Variants in LRRC8C observed in about 807,000 individuals in gnomAD.
LRRC8C encodes the protein volume-regulated anion channel subunit LRRC8C.
LRRC8C carries 20 observed loss-of-function variants against 55.3 expected under a neutral mutation model. The observed-to-expected ratio is 0.36, with a 90% CI of 0.25 to 0.53. LRRC8C has a LOEUF of 0.53. Among genes scored for constraint, LRRC8C ranks in the 20% least tolerant of loss-of-function variants. The probability of loss-of-function intolerance (pLI) is 0.92; values close to 1 mark genes in which losing one functional copy is unlikely to be tolerated. For synonymous variants in LRRC8C, 376 were observed against 360.7 expected, an observed-to-expected ratio of 1.04 and a Z score of -0.48; for missense variants, 659 against 951.4, an observed-to-expected ratio of 0.69 and a Z score of 4.04.
the LRRC8C span, among the ~76,000 whole-genome samples, chr1:89,620,882 T>C: frequency 6.6e-6 from 1 of 152,116 alleles, no homozygotes; most frequent in Non-Finnish European, 1.5e-5. Context: ...TTCACAAAAG[T>C]TTTTCAGCAA....
At chr1:89,626,419 C>T in the LRRC8C span, 1 of 152,162 alleles carries the variant, frequency 6.6e-6, no homozygotes, top group Non-Finnish European at 1.5e-5. Flanking sequence ...AGGCTAAGGG[C>T]TCAGTCCCAC....
chr1:89,708,091 C>A lies in LRRC8C; in HGVS notation c.139-4618C>A, dbSNP rs1658537265. ...TTCATTTTGATTTTTTTCTTCACTT[C>A]TCCCCCCAGTTTCTTCCCCCTTTTT... On this transcript the variant is annotated intron_variant, in intron 2 of 2. Transcript: ENST00000370454. Among the ~76,000 whole-genome samples the A allele has an allele frequency of 1.3e-5, 2 of 151,852 alleles. 1 individual carries two copies. The highest frequency in any genetic ancestry group is 3.8e-4 in the East Asian group (2 of 5,198).
chr1:89,690,177 G>A (rs1387784056), intron 2 of LRRC8C, among the ~76,000 whole-genome samples: 3 of 152,078 alleles, frequency 2.0e-5, no homozygotes, highest in Non-Finnish European at 4.4e-5. Context: ...GGGTGGAGGA[G>A]GCATCATCCA....
the LRRC8C span, among the ~76,000 whole-genome samples, chr1:89,624,687 TTC>T: frequency 1.0e-3 from 153 of 152,338 alleles, no homozygotes; most frequent in African/African-American, 3.1e-3. Context: ...CACAATTCCC[TTC>T]TCTTTCCAAC....
the LRRC8C span, chr1:89,626,253 CA>C: frequency 1.3e-5 from 2 of 152,138 alleles, no homozygotes; most frequent in East Asian, 3.8e-4. Context: ...ATGTATATAG[CA>C]AAAAACTCCT....
chr1:89,660,523 G>A (rs1657089258), intron 1 of LRRC8C, among the ~76,000 whole-genome samples: 1 of 152,112 alleles, frequency 6.6e-6, no homozygotes, highest in Non-Finnish European at 1.5e-5. Flanking sequence ...CCTATCCTAG[G>A]TTTTATTTCC....
chr1:89,629,032 G>A (rs745803297), upstream of LRRC8C, among the ~76,000 whole-genome samples: 47 of 152,090 alleles, frequency 3.1e-4, no homozygotes, highest in Admixed American at 1.7e-3. Context: ...ATCTCCTCTG[G>A]TACAAATTCA....
intron 1 of LRRC8C, among the ~76,000 whole-genome samples, chr1:89,641,409 G>C (rs1018047317): frequency 6.6e-6 from 1 of 152,128 alleles, no homozygotes; most frequent in Admixed American, 6.5e-5. Flanking sequence ...TTAACTGGAT[G>C]GCTAGGTAGC....
chr1:89,686,668 A>T, intron 2 of LRRC8C, 57 bp downstream of exon 2: 1 of 1,584,218 alleles, frequency 6.3e-7, no homozygotes, highest in South Asian at 1.1e-5. Flanking sequence ...AGTCATTGAA[A>T]CCTCTTTAGG....
chr1:89,692,033 A>G (rs907764002), intron 2 of LRRC8C, among the ~76,000 whole-genome samples: 3 of 152,200 alleles, frequency 2.0e-5, no homozygotes, highest in African/African-American at 7.2e-5. Context: ...TAGGATCCAT[A>G]TAACAAATTA....
the LRRC8C span, among the ~76,000 whole-genome samples, chr1:89,620,883 T>A: frequency 6.6e-6 from 1 of 152,182 alleles, no homozygotes; most frequent in East Asian, 1.9e-4. Flanking sequence ...TCACAAAAGT[T>A]TTTCAGCAAA....
At chr1:89,624,242 G>T in the LRRC8C span, among the ~76,000 whole-genome samples, 1 of 152,142 alleles carries the variant, frequency 6.6e-6, no homozygotes, top group Admixed American at 6.5e-5. Context: ...TCTGGCTTTT[G>T]CTCCAGAGAA....
At chr1:89,686,430 G>A in intron 1 of LRRC8C, 40 bp from the exon 2 acceptor site, 2 of 1,608,766 alleles carry the variant, frequency 1.2e-6, no homozygotes, top group Non-Finnish European at 8.5e-7. Context: ...ATGTTGTACT[G>A]GAAGATAAAT....
At position 89,714,125 on chromosome 1, in the gene LRRC8C, C is replaced by G. The variant is rs1351120075; in HGVS notation, c.1555C>G (p.Leu519Val). The G allele has an allele frequency of 6.2e-7, 1 of 1,614,122 alleles. No homozygotes were observed. Among genetic ancestry groups the G allele is most frequent in the Non-Finnish European group, 8.5e-7 (1 of 1,180,010 alleles). The part of the protein sequence containing the change: ...WMYGLRNLEE[L>V]YLVGSLSHDI... ...GTATGGGCTCCGAAATCTGGAAGAG[C>G]TGTACCTAGTTGGCTCTCTAAGTCA... Residue 519 changes from leucine to valine, a missense_variant, in exon 3 of 3, where the codon CTG becomes GTG. By Grantham distance (32) the Leu-to-Val change is conservative (BLOSUM62 1). This residue lies in a region of LRRC8C where 344 missense variants were observed against 464.6 expected (regional missense o/e 0.74). Coordinates refer to ENST00000370454, the MANE Select transcript of LRRC8C (RefSeq NM_032270.5). The surrounding 1 kb of genome is among the most constrained non-coding windows in gnomAD (Gnocchi z 4.6).
chr1:89,702,184 TTGG>T (rs765261839), intron 2 of LRRC8C, among the ~76,000 whole-genome samples: 3 of 151,954 alleles, frequency 2.0e-5, no homozygotes, highest in Non-Finnish European at 2.9e-5. Context: ...ATAAGACCTA[TTGG>T]TGGACTCTGG....
At chr1:89,629,352 C>T (rs997627160), upstream of LRRC8C, among the ~76,000 whole-genome samples, 1 of 152,142 alleles carries the variant, frequency 6.6e-6, no homozygotes, top group Non-Finnish European at 1.5e-5. Flanking sequence ...GAGAATGCAG[C>T]GTAAAATCCT....
chr1:89,713,533 T>C lies in LRRC8C; in HGVS notation c.963T>C (p.Phe321=). ...CACACTTGTTCTCAAAACTGTCCTT[T>C]TGCTATCTGTGCTTTGTTAGTATCT... ...TMAHLFSKLS[F]CYLCFVSIYG... The change falls in exon 3 of 3, where the codon TTT becomes TTC. Residue 321 remains phenylalanine (F), a synonymous_variant. Transcript: ENST00000370454. The surrounding 1 kb of genome is among the most constrained non-coding windows in gnomAD (Gnocchi z 5.2). 2 of 1,614,202 alleles carry C rather than the reference T, an allele frequency of 1.2e-6. No individual in the cohort carries two copies. The highest frequency in any genetic ancestry group is 1.7e-5 in the Admixed American group (1 of 60,034).
chr1:89,714,629 T>C lies in LRRC8C; in HGVS notation c.2059T>C (p.Tyr687His), dbSNP rs754794046. 9.3e-6 allele frequency: 15 copies of C among 1,614,178 alleles called. No homozygotes were observed. Among genetic ancestry groups the C allele is most frequent in the Non-Finnish European group, 1.0e-5 (12 of 1,180,006 alleles). ...SHLFLCNKIR[Y>H]LDLSYNDIRF... ...CCTCTTCCTATGCAACAAGATCCGA[T>C]ACTTGGACTTATCGTACAATGACAT... is the stretch of plus-strand genomic sequence containing the variant. Residue 687 changes from tyrosine (Y) to histidine (H), a missense_variant, in exon 3 of 3, where the codon TAC becomes CAC. By Grantham distance (83) the Tyr-to-His change is moderately conservative. Coordinates refer to ENST00000370454, the MANE Select transcript of LRRC8C (RefSeq NM_032270.5). The surrounding 1 kb of genome is among the most constrained non-coding windows in gnomAD (Gnocchi z 4.6).
chr1:89,658,932 T>C (rs1657024427), intron 1 of LRRC8C, among the ~76,000 whole-genome samples: 1 of 152,040 alleles, frequency 6.6e-6, no homozygotes, highest in South Asian at 2.1e-4. Context: ...CAAACAAATT[T>C]TTAAAAAAAG....
Sources: gnomAD v4.1 joint callset for allele counts (sites outside exome capture counted in the v4.1 genomes callset) on GRCh38, gnomAD v4.1.1 for gene constraint, gnomAD v4.1.1 regional missense constraint, Gnocchi (gnomAD v3.1) non-coding constraint, MANE v1.5 for transcripts, NCBI Gene and HGNC (gene_info 2026-07-23, HGNC 2026-07-21) for gene names.